SEPHS1: variants seen among roughly 807,000 people sequenced by gnomAD.
SEPHS1 encodes selenophosphate synthetase 1, also known as zincore component SEPHS1.
Under a neutral mutation model 39.2 loss-of-function variants are expected in SEPHS1, and 7 were observed. The ratio of observed to expected loss-of-function variants is 0.18; its 90% CI spans 0.10 to 0.34. The LOEUF is 0.34. Ranked by LOEUF, SEPHS1 falls within the 10% of genes least tolerant of loss-of-function variation. The pLI, the probability that SEPHS1 is intolerant of heterozygous loss-of-function variation, is 1.00. For synonymous variants in SEPHS1, 190 were observed against 195.5 expected (o/e 0.97, Z 0.23); for missense variants, 253 against 514.5 (o/e 0.49, Z 4.92).
chr10:13,346,458 C>T (rs763567011), intron 1 of SEPHS1, among the ~76,000 whole-genome samples: 33 of 152,130 alleles, frequency 2.2e-4, no homozygotes, highest in Non-Finnish European at 4.1e-4. Context: ...CACAAAAACA[C>T]GGTTTGGGAT....
At chr10:13,334,522 C>A (rs1171807673) in intron 4 of SEPHS1, among the ~76,000 whole-genome samples, 1 of 151,204 alleles carries the variant, frequency 6.6e-6, no homozygotes, top group African/African-American at 2.4e-5. Flanking sequence ...GCCCTGGGCA[C>A]AAGAGTGAGA....
At chr10:13,336,822 A>G (rs1205995884) in intron 3 of SEPHS1, among the ~76,000 whole-genome samples, 4 of 152,194 alleles carry the variant, frequency 2.6e-5, no homozygotes, top group African/African-American at 9.7e-5. Context: ...GGTTATAGAG[A>G]TGGAGATAGT....
chr10:13,338,886 A>G (rs1402918447), intron 2 of SEPHS1, 78 bp from the exon 3 acceptor site: 1 of 1,037,524 alleles, frequency 9.6e-7, no homozygotes. Context: ...TGCTCTGAAC[A>G]GGAAGAGCTC....
At chr10:13,326,747 T>A (rs1464742673) in intron 7 of SEPHS1, among the ~76,000 whole-genome samples, 1 of 151,970 alleles carries the variant, frequency 6.6e-6, no homozygotes, top group East Asian at 1.9e-4. Context: ...TTGCCTAGGC[T>A]GGTCTCCAAC....
At chr10:13,345,688 C>T (rs539276165) in intron 1 of SEPHS1, among the ~76,000 whole-genome samples, 9 of 152,226 alleles carry the variant, frequency 5.9e-5, no homozygotes, top group African/African-American at 1.9e-4. Context: ...ACAAGCCTGG[C>T]CAACATGGCG....
intron 3 of SEPHS1, among the ~76,000 whole-genome samples, chr10:13,337,942 T>G (rs1564451070): frequency 6.6e-6 from 1 of 152,228 alleles, no homozygotes; most frequent in Non-Finnish European, 1.5e-5. Flanking sequence ...CTGATCCCAC[T>G]GTCCTTGCCA....
chr10:13,331,181 T>C (rs1833456507), intron 5 of SEPHS1, among the ~76,000 whole-genome samples: 1 of 152,214 alleles, frequency 6.6e-6, no homozygotes, highest in South Asian at 2.1e-4. Context: ...TTTTTACGGC[T>C]GCGTAGTATT....
chr10:13,336,669 C>T (rs898963340), intron 3 of SEPHS1, among the ~76,000 whole-genome samples: 1 of 151,980 alleles, frequency 6.6e-6, no homozygotes, highest in African/African-American at 2.4e-5. Context: ...ATATGTGCAG[C>T]GAATGAGGAG....
chr10:13,333,424 C>T (rs534424050), intron 5 of SEPHS1, among the ~76,000 whole-genome samples: 3 of 150,188 alleles, frequency 2.0e-5, no homozygotes, highest in Non-Finnish European at 3.0e-5. Context: ...TGAGCAACCG[C>T]GCCCAGCCTT....
At chr10:13,330,100 C>T (rs1833420895) in intron 5 of SEPHS1, among the ~76,000 whole-genome samples, 1 of 152,126 alleles carries the variant, frequency 6.6e-6, no homozygotes, top group African/African-American at 2.4e-5. Context: ...CAACAAGGAC[C>T]CCATTTCAAA....
intron 5 of SEPHS1, 69 bp downstream of exon 5, chr10:13,333,748 T>C (rs754348509): frequency 1.2e-4 from 190 of 1,536,602 alleles, no homozygotes; most frequent in Non-Finnish European, 1.7e-4. Context: ...CCTTAATACA[T>C]CAATTTTTAA....
intron 1 of SEPHS1, chr10:13,345,387 T>C (rs541448736): frequency 6.4e-6 from 1 of 156,220 alleles, no homozygotes; most frequent in Non-Finnish European, 1.4e-5. Flanking sequence ...CTGGAAGCAC[T>C]GTGGTTCAGA....
intron 3 of SEPHS1, 58 bp downstream of exon 3, chr10:13,338,647 A>T: frequency 7.2e-7 from 1 of 1,390,708 alleles, no homozygotes; most frequent in South Asian, 1.2e-5. Context: ...CCCCAGCCAC[A>T]ACCCAAACCA....
chr10:13,334,346 GC>G (rs1833561841), intron 4 of SEPHS1, among the ~76,000 whole-genome samples: 1 of 152,054 alleles, frequency 6.6e-6, no homozygotes, highest in African/African-American at 2.4e-5. Context: ...TTTGAGACCA[GC>G]CTGGCCAACA....
rs192369713 is a variant in SEPHS1 at position 13,317,449 on chromosome 10, A to G, written c.*1693T>C. Reference sequence around the variant, plus strand: ...TAGGTTTATCTCACTAGAGGTTTCCAACACACTTTATTTTGCAGACCACTG... The same window carrying G: ...TAGGTTTATCTCACTAGAGGTTTCCGACACACTTTATTTTGCAGACCACTG... On this transcript the variant is annotated 3_prime_UTR_variant, in exon 9 of 9. Coordinates refer to ENST00000327347, the MANE Select transcript of SEPHS1 (RefSeq NM_012247.5). 70 of 151,864 alleles carry G rather than the reference A, an allele frequency of 4.6e-4. 1 individual carries two copies. Among genetic ancestry groups the G allele is most frequent in the African/African-American group, 1.6e-3 (66 of 41,408 alleles). 9.4% of individuals were successfully genotyped at this position (151,864 alleles called of 1,614,324 possible).
At chr10:13,342,236 C>T (rs1211757695) in intron 2 of SEPHS1, among the ~76,000 whole-genome samples, 3 of 148,996 alleles carry the variant, frequency 2.0e-5, no homozygotes, top group Non-Finnish European at 4.4e-5. Flanking sequence ...CACTGCACTC[C>T]AGCCTGGGCG....
rs1339960072 is a variant in SEPHS1 at position 13,348,095 on chromosome 10, G to A, written c.-174C>T. ...GGCCGGGCTCCCTTAAGCGTCGCCT[G>A]AATAAAAATGCCGCGCCCGGCGGCG... is the stretch of plus-strand genomic sequence containing the variant. On this transcript the variant is annotated 5_prime_UTR_variant, in exon 1 of 9. Coordinates refer to ENST00000327347, the MANE Select transcript of SEPHS1 (RefSeq NM_012247.5). The A allele has an allele frequency of 2.7e-5, 4 of 146,040 alleles. No homozygotes were observed. Among genetic ancestry groups the A allele is most frequent in the Non-Finnish European group, 4.5e-5 (3 of 66,048 alleles). The allele number at this position is 146,040 out of a possible 1,614,324, so 9.0% of individuals were successfully genotyped here.
At chr10:13,321,051 G>A (rs1316710777) in intron 8 of SEPHS1, among the ~76,000 whole-genome samples, 1 of 151,950 alleles carries the variant, frequency 6.6e-6, no homozygotes, top group Non-Finnish European at 1.5e-5. Flanking sequence ...TATAAAGGCG[G>A]TGAGAGGCCT....
At chr10:13,335,301 C>T (rs768410227) in intron 4 of SEPHS1, among the ~76,000 whole-genome samples, 1 of 152,222 alleles carries the variant, frequency 6.6e-6, no homozygotes, top group Admixed American at 6.5e-5. Context: ...CTAAGTGCCA[C>T]GTGTCCCACA....
Sources: gnomAD v4.1 joint callset for allele counts (sites outside exome capture counted in the v4.1 genomes callset) on GRCh38, gnomAD v4.1.1 for gene constraint, MANE v1.5 for transcripts, NCBI Gene and HGNC (gene_info 2026-07-23, HGNC 2026-07-21) for gene names.